Variants in ADCY10 observed in about 807,000 individuals in gnomAD.
The protein encoded by ADCY10 is adenylate cyclase type 10.
In ADCY10, 156 loss-of-function variants were observed where a neutral mutation model predicts 183.3. The observed-to-expected ratio is 0.85, with a 90% CI of 0.75 to 0.97. ADCY10 has a LOEUF of 0.97. Ranked by LOEUF, ADCY10 falls within the 50% of genes least tolerant of loss-of-function variation. The pLI, the probability that ADCY10 is intolerant of heterozygous loss-of-function variation, is 0.00. For missense variants in ADCY10, 1,745 were observed against 1,934.3 expected (o/e 0.90, Z 1.84); for synonymous variants, 645 against 670.0 (o/e 0.96, Z 0.58).
Position 167,809,644 on chromosome 1 carries a change from A to G in ADCY10, c.*34T>C. 6.2e-7 allele frequency: 1 copy of G among 1,607,214 alleles called. No individual in the cohort carries two copies. Among genetic ancestry groups the G allele is most frequent in the Admixed American group, 1.7e-5 (1 of 60,006 alleles). On this transcript the variant is annotated 3_prime_UTR_variant, in exon 33 of 33. Coordinates refer to ENST00000367851, the MANE Select transcript of ADCY10 (RefSeq NM_018417.6). Reference sequence around the variant, plus strand: ...GTCAATAATAGATAATCACAAGGACATAGTGCTTATTAAAATCTTTTTTCT... The same window carrying G: ...GTCAATAATAGATAATCACAAGGACGTAGTGCTTATTAAAATCTTTTTTCT...
At chr1:167,824,374 C>CT (rs1477054046) in intron 28 of ADCY10, 102 bp downstream of exon 28, 1 of 956,758 alleles carries the variant, frequency 1.0e-6, no homozygotes, top group African/African-American at 1.6e-5. Flanking sequence ...ACTGCAAACT[C>CT]TACTCCCTTC....
At chr1:167,901,949 C>T (rs1314076778) in intron 4 of ADCY10, 67 bp downstream of exon 4, 1 of 1,608,442 alleles carries the variant, frequency 6.2e-7, no homozygotes, top group African/African-American at 1.3e-5. Context: ...TCCTTTGTCC[C>T]CAACACAGAA....
At chr1:167,875,647 A>G (rs1026343889) in intron 12 of ADCY10, among the ~76,000 whole-genome samples, 1 of 152,144 alleles carries the variant, frequency 6.6e-6, no homozygotes, top group Non-Finnish European at 1.5e-5. Flanking sequence ...CCTGACAAAA[A>G]CACTGTTAAG....
At chr1:167,860,141 A>G (rs1318318673) in intron 15 of ADCY10, among the ~76,000 whole-genome samples, 1 of 152,162 alleles carries the variant, frequency 6.6e-6, no homozygotes, top group Non-Finnish European at 1.5e-5. Flanking sequence ...TGCTTCTATT[A>G]TTACATTGTA....
At chr1:167,837,446 T>G in intron 21 of ADCY10, 128 bp from the exon 22 acceptor site, 1 of 769,396 alleles carries the variant, frequency 1.3e-6, no homozygotes, top group Non-Finnish European at 2.3e-6. Flanking sequence ...CCACATTGCC[T>G]AGTCCCCATT....
At chr1:167,833,933 T>C (rs1220712561) in intron 24 of ADCY10, 37 bp downstream of exon 24, 1 of 1,502,236 alleles carries the variant, frequency 6.7e-7, no homozygotes. Flanking sequence ...GCCTAAGATA[T>C]ATAACAGATA....
chr1:167,899,094 A>T lies in ADCY10; in HGVS notation c.642+329T>A, dbSNP rs532792804. ...AGTGAGGGTCAATGACAGCCTTTAA[A>T]ACTATTCCCCTCTGCTCCTGGATGA... On this transcript the variant is annotated intron_variant, in intron 6 of 32. Coordinates refer to ENST00000367851, the MANE Select transcript of ADCY10 (RefSeq NM_018417.6). 2.0e-5 allele frequency among the ~76,000 whole-genome samples: 3 copies of T among 152,194 alleles called. No homozygotes were observed. In the South Asian group the frequency reaches 6.2e-4, roughly 32 times the overall value.
At chr1:167,888,131 G>C (rs1219734262) in intron 8 of ADCY10, among the ~76,000 whole-genome samples, 1 of 152,110 alleles carries the variant, frequency 6.6e-6, no homozygotes, top group Non-Finnish European at 1.5e-5. Flanking sequence ...TGTTCCACTG[G>C]TCTATGTGTC....
chr1:167,822,184 G>C (rs993264564), intron 29 of ADCY10, 43 bp from the exon 30 acceptor site: 2 of 1,246,176 alleles, frequency 1.6e-6, no homozygotes, highest in Non-Finnish European at 2.4e-6. Context: ...GTAGGTGTGG[G>C]TGATCATCTT....
intron 3 of ADCY10, 130 bp downstream of exon 3, chr1:167,903,757 G>T: frequency 1.4e-6 from 1 of 713,026 alleles, no homozygotes; most frequent in Non-Finnish European, 2.5e-6. Flanking sequence ...AAAAAGACTG[G>T]TTTTATACAC....
chr1:167,854,276 A>C, intron 18 of ADCY10, 77 bp downstream of exon 18: 2 of 1,596,558 alleles, frequency 1.3e-6, no homozygotes, highest in Non-Finnish European at 1.7e-6. Flanking sequence ...GGAATAGCTC[A>C]TTTTTGCTAC....
intron 7 of ADCY10, among the ~76,000 whole-genome samples, chr1:167,895,368 AATGT>A (rs951626586): frequency 8.6e-5 from 13 of 152,044 alleles, no homozygotes; most frequent in African/African-American, 2.9e-4. Flanking sequence ...TTTCCTGATC[AATGT>A]TTGTACAGTC....
At position 167,860,926 on chromosome 1, in the gene ADCY10, A is replaced by T; in HGVS notation, c.1754T>A (p.Met585Lys). The change falls in exon 15 of 33, where the codon ATG becomes AAG. Residue 585 changes from methionine (M) to lysine (K), a missense_variant. Met to Lys is a moderately conservative substitution (Grantham distance 95). Transcript: ENST00000367851. The part of the protein sequence containing the change: ...ERQTNLRNKV[M>K]TLLDEKFYCL... ...GTAGAACTTTTCATCCAACAGTGTC[A>T]TGACTTTATTTCGAAGGTTGGTCTG... The T allele has an allele frequency of 6.2e-7, 1 of 1,614,176 alleles. No homozygotes were observed.
At chr1:167,826,758 A>G (rs1663321936) in intron 26 of ADCY10, among the ~76,000 whole-genome samples, 1 of 152,202 alleles carries the variant, frequency 6.6e-6, no homozygotes, top group Non-Finnish European at 1.5e-5. Context: ...CAAACAAGAA[A>G]TTGTCAAATG....
rs1663996375 is a variant in ADCY10, at chr1:167,834,003, A to G, written c.3384T>C (p.Phe1128=). 6.2e-7 allele frequency: 1 copy of G among 1,614,054 alleles called. No homozygotes were observed. Among genetic ancestry groups the G allele is most frequent in the African/African-American group, 1.3e-5 (1 of 74,940 alleles). Residue 1128 remains phenylalanine, a synonymous_variant, in exon 24 of 33, where the codon TTT becomes TTC. Coordinates refer to ENST00000367851, the MANE Select transcript of ADCY10 (RefSeq NM_018417.6). The part of the protein sequence containing the change: ...LKKDKSWSQT[F]ESATFYSLKG... ...TGAGGCTGTAAAAGGTGGCAGACTC[A>G]AATGTCTGGCTCCAAGATTTGTCCT...
chr1:167,816,425 A>C (rs151067517), intron 31 of ADCY10, among the ~76,000 whole-genome samples: 1,741 of 152,194 alleles, frequency 0.011, 32 homozygotes, highest in African/African-American at 0.033. Context: ...GGGCACCTGT[A>C]ATCCCAGCTA....
intron 14 of ADCY10, among the ~76,000 whole-genome samples, chr1:167,869,656 T>G (rs1245628744): frequency 3.3e-5 from 5 of 152,152 alleles, no homozygotes; most frequent in African/African-American, 1.2e-4. Context: ...AATCTCTCGT[T>G]CTGTTCTGTT....
At chr1:167,854,195 A>G (rs562215408) in intron 18 of ADCY10, among the ~76,000 whole-genome samples, 158 bp downstream of exon 18, 5 of 152,274 alleles carry the variant, frequency 3.3e-5, no homozygotes, top group Admixed American at 3.3e-4. Flanking sequence ...AAGTTCGCTT[A>G]CAATCTGGAA....
intron 8 of ADCY10, among the ~76,000 whole-genome samples, chr1:167,885,192 A>T (rs1158467860): frequency 1.3e-5 from 2 of 152,106 alleles, no homozygotes; most frequent in Admixed American, 6.5e-5. Flanking sequence ...TTCTCTGTTG[A>T]TGGACACTTA....
Sources: gnomAD v4.1 joint callset for allele counts (sites outside exome capture counted in the v4.1 genomes callset) on GRCh38, gnomAD v4.1.1 for gene constraint, MANE v1.5 for transcripts, NCBI Gene and HGNC (gene_info 2026-07-23, HGNC 2026-07-21) for gene names.